STAC: variants seen among roughly 807,000 people sequenced by gnomAD.
STAC encodes the protein SH3 and cysteine rich domain, also known as SH3 and cysteine-rich domain-containing protein.
A neutral mutation model predicts 48.8 loss-of-function variants in STAC; 43 were observed. The observed-to-expected ratio is 0.88, with a 90% CI of 0.69 to 1.14. The LOEUF is 1.14. Among genes scored for constraint, STAC ranks in the 50% most tolerant of loss-of-function variants. The probability of loss-of-function intolerance (pLI) is 0.00; values close to 1 mark genes in which losing one functional copy is unlikely to be tolerated. For synonymous variants in STAC, 193 were observed against 179.5 expected (o/e 1.07, Z -0.60); for missense variants, 497 against 504.0 (o/e 0.99, Z 0.13).
chr3:36,384,104 T>G (rs1036765803), intron 1 of STAC, among the ~76,000 whole-genome samples: 4 of 152,210 alleles, frequency 2.6e-5, no homozygotes, highest in African/African-American at 9.6e-5. Flanking sequence ...CTAATTTATT[T>G]TTTAAGGGCT....
At chr3:36,476,475 C>T (rs1007506065) in intron 2 of STAC, among the ~76,000 whole-genome samples, 2 of 152,242 alleles carry the variant, frequency 1.3e-5, no homozygotes, top group Middle Eastern at 3.4e-3. Context: ...GCCACCCTTA[C>T]CAGAAACCAT....
intron 8 of STAC, among the ~76,000 whole-genome samples, chr3:36,509,309 A>C (rs188179337): frequency 2.1e-3 from 315 of 152,140 alleles, no homozygotes; most frequent in African/African-American, 7.3e-3. Flanking sequence ...GGGTAATCCA[A>C]CCTTTCTCTC....
At chr3:36,537,947 C>A (rs1699237234) in intron 10 of STAC, among the ~76,000 whole-genome samples, 1 of 150,732 alleles carries the variant, frequency 6.6e-6, no homozygotes, top group Admixed American at 6.6e-5. Flanking sequence ...TCTATCAAAG[C>A]TTTAAAAAAA....
rs141197029 is a variant in STAC at position 36,528,731 on chromosome 3, A to G, written c.956A>G (p.Asn319Ser). 5.5e-5 allele frequency: 88 copies of G among 1,607,490 alleles called. No homozygotes were observed. The highest frequency in any genetic ancestry group is 4.6e-4 in the African/African-American group (34 of 74,690). ...GDIITLLEDS[N>S]EDWWKGKIQD... ...ATAATTACTCTTTTAGAGGATTCCAATGAAGACTGGTGGAAAGTAAGTGTT... is the reference window on the plus strand; with the variant it reads ...ATAATTACTCTTTTAGAGGATTCCAGTGAAGACTGGTGGAAAGTAAGTGTT... The change falls in exon 9 of 11, where the codon AAT (asparagine) becomes AGT (serine). Residue 319 changes from asparagine to serine, a missense_variant. Physicochemically the swap from Asn to Ser is conservative, Grantham distance 46. Transcript: ENST00000273183.
intron 2 of STAC, among the ~76,000 whole-genome samples, chr3:36,476,544 A>G (rs1440598979): frequency 1.3e-5 from 2 of 152,310 alleles, no homozygotes; most frequent in East Asian, 3.9e-4. Context: ...TGAAGCAAGG[A>G]AAGTAGGGAG....
At chr3:36,384,786 T>A (rs928397144) in intron 1 of STAC, among the ~76,000 whole-genome samples, 5 of 152,124 alleles carry the variant, frequency 3.3e-5, no homozygotes, top group Non-Finnish European at 1.5e-5. Flanking sequence ...TGACCCTCAT[T>A]CCTGGAGGAT....
rs1698038987 is a variant in STAC at position 36,493,177 on chromosome 3, G to A, written c.714G>A (p.Glu238=). 1.2e-6 allele frequency: 2 copies of A among 1,613,396 alleles called. No individual in the cohort carries two copies. Among genetic ancestry groups the A allele is most frequent in the Non-Finnish European group, 1.7e-6 (2 of 1,179,612 alleles). Residue 238 remains glutamate (E), a synonymous_variant, in exon 6 of 11, where the codon GAG becomes GAA. Coordinates refer to ENST00000273183, the MANE Select transcript of STAC (RefSeq NM_003149.3). ...CTTCAGATCTTGTGGAGGTTCCTGA[G>A]GAAGCCAATGGGCCAGGAGGCGGGT... The part of the protein sequence containing the change: ...TSTSDLVEVP[E]EANGPGGGYD...
intron 1 of STAC, among the ~76,000 whole-genome samples, chr3:36,413,121 C>T (rs1301548859): frequency 6.6e-6 from 1 of 152,238 alleles, no homozygotes; most frequent in African/African-American, 2.4e-5. Context: ...GGAATAGGTG[C>T]AGTGTGGTGC....
intron 1 of STAC, among the ~76,000 whole-genome samples, chr3:36,436,211 C>T (rs988015097): frequency 6.6e-6 from 1 of 152,154 alleles, no homozygotes; most frequent in African/African-American, 2.4e-5. Flanking sequence ...CGTATCTTAC[C>T]ATAACTATAC....
intron 8 of STAC, among the ~76,000 whole-genome samples, chr3:36,526,056 G>C (rs1361993113): frequency 6.6e-6 from 1 of 152,158 alleles, no homozygotes; most frequent in Admixed American, 6.6e-5. Context: ...CAGAAATCTT[G>C]GGAATTTCCT....
At chr3:36,422,848 T>C (rs1009250543) in intron 1 of STAC, among the ~76,000 whole-genome samples, 2 of 152,152 alleles carry the variant, frequency 1.3e-5, no homozygotes, top group African/African-American at 4.8e-5. Context: ...TATTTGTGTA[T>C]GCAAATATGT....
At chr3:36,396,049 T>C (rs1006486116) in intron 1 of STAC, among the ~76,000 whole-genome samples, 1 of 152,204 alleles carries the variant, frequency 6.6e-6, no homozygotes, top group Admixed American at 6.5e-5. Context: ...GAAAACTCTC[T>C]GGTCATAGTT....
chr3:36,432,015 A>C (rs977658883), intron 1 of STAC, among the ~76,000 whole-genome samples: 26 of 152,216 alleles, frequency 1.7e-4, no homozygotes, highest in Non-Finnish European at 3.2e-4. Flanking sequence ...CCTAAGAGGA[A>C]TCTTTGAATC....
At chr3:36,439,960 C>T (rs1212251450) in intron 1 of STAC, among the ~76,000 whole-genome samples, 1 of 152,242 alleles carries the variant, frequency 6.6e-6, no homozygotes, top group Non-Finnish European at 1.5e-5. Context: ...CCTTCTTTGA[C>T]AGTTCTGACT....
At chr3:36,442,155 GC>G (rs753199296) in intron 1 of STAC, among the ~76,000 whole-genome samples, 1 of 152,196 alleles carries the variant, frequency 6.6e-6, no homozygotes, top group Non-Finnish European at 1.5e-5. Flanking sequence ...GTCCATCATT[GC>G]ATTGCAGTTC....
At chr3:36,425,949 G>T (rs56665083) in intron 1 of STAC, among the ~76,000 whole-genome samples, 3,530 of 152,186 alleles carry the variant, frequency 0.023, 61 homozygotes, top group Non-Finnish European at 0.026. Flanking sequence ...CAGGATCACT[G>T]GAGCCCGGTG....
At chr3:36,522,246 C>T (rs1446041739) in intron 8 of STAC, among the ~76,000 whole-genome samples, 1 of 152,100 alleles carries the variant, frequency 6.6e-6, no homozygotes, top group Admixed American at 6.5e-5. Flanking sequence ...ATTTGTTTGT[C>T]ATCTCCCCAC....
At chr3:36,474,402 T>G (rs939895993) in intron 2 of STAC, among the ~76,000 whole-genome samples, 1 of 152,204 alleles carries the variant, frequency 6.6e-6, no homozygotes, top group Non-Finnish European at 1.5e-5. Context: ...TATTTTAATT[T>G]TATCTTTATC....
Position 36,483,074 on chromosome 3 carries a change from G to C in STAC, c.471G>C (p.Gln157His). 6.2e-7 allele frequency: 1 copy of C among 1,614,004 alleles called. No individual in the cohort carries two copies. Among genetic ancestry groups the C allele is most frequent in the Middle Eastern group, 1.7e-4 (1 of 6,056 alleles). ...AGTGCACAGATGGCCTGGCACCCCA[G>C]CGGTGCATGGGCAAGCTGGTAAGGG... ...HHKCTDGLAP[Q>H]RCMGKLPKGF... The change falls in exon 3 of 11, where the codon CAG (glutamine) becomes CAC (histidine). Residue 157 changes from glutamine (Q) to histidine (H), a missense_variant. Coordinates refer to ENST00000273183, the MANE Select transcript of STAC (RefSeq NM_003149.3).
Sources: gnomAD v4.1 joint callset for allele counts (sites outside exome capture counted in the v4.1 genomes callset) on GRCh38, gnomAD v4.1.1 for gene constraint, MANE v1.5 for transcripts, NCBI Gene and HGNC (gene_info 2026-07-23, HGNC 2026-07-21) for gene names.